Variants in DENND1A observed in about 807,000 individuals in gnomAD.
DENND1A encodes DENN domain containing 1A, also known as DENN domain-containing protein 1A.
In DENND1A, 51 loss-of-function variants were observed where a neutral mutation model predicts 113.7. The ratio of observed to expected loss-of-function variants is 0.45; its 90% CI spans 0.36 to 0.57. The LOEUF (loss-of-function observed/expected upper bound fraction) is 0.57. Among genes scored for constraint, DENND1A ranks in the 20% least tolerant of loss-of-function variants. DENND1A has a pLI of 0.00. For synonymous variants in DENND1A, 565 were observed against 570.8 expected (o/e 0.99, Z 0.14); for missense variants, 1,258 against 1,395.9 (o/e 0.90, Z 1.57).
chr9:123,811,804 CATCCATCAATA>C (rs1836665792), intron 2 of DENND1A, among the ~76,000 whole-genome samples: 1 of 152,142 alleles, frequency 6.6e-6, no homozygotes, highest in Non-Finnish European at 1.5e-5. Flanking sequence ...CTTTGCCAAA[CATCCATCAATA>C]TATTTTTAAA....
intron 2 of DENND1A, among the ~76,000 whole-genome samples, chr9:123,828,367 G>A (rs1317387094): frequency 6.6e-6 from 1 of 152,026 alleles, no homozygotes; most frequent in Non-Finnish European, 1.5e-5. Context: ...CACTGAAAAA[G>A]AGAAGGGAGA....
chr9:123,409,948 C>T (rs191324820), intron 20 of DENND1A, among the ~76,000 whole-genome samples: 17 of 152,184 alleles, frequency 1.1e-4, no homozygotes, highest in Admixed American at 1.0e-3. Context: ...AAAAATTAGC[C>T]GTGCATGGTG....
intron 19 of DENND1A, among the ~76,000 whole-genome samples, chr9:123,439,374 C>T (rs898793498): frequency 3.3e-5 from 5 of 152,186 alleles, no homozygotes; most frequent in African/African-American, 1.2e-4. Context: ...CAACTCACCC[C>T]TTACAGTAGT....
intron 13 of DENND1A, among the ~76,000 whole-genome samples, chr9:123,495,141 TTCTCTCTCTCTCTC>T (rs56390148): frequency 4.3e-5 from 6 of 140,560 alleles, no homozygotes; most frequent in Non-Finnish European, 9.1e-5. Context: ...CATTGTCTCT[TTCTCTCTCTCTCTC>T]TCTCTCTCTC....
chr9:123,536,765 G>C (rs2055814862), intron 13 of DENND1A, among the ~76,000 whole-genome samples: 1 of 152,148 alleles, frequency 6.6e-6, no homozygotes, highest in Non-Finnish European at 1.5e-5. Flanking sequence ...ACGAGAGAGA[G>C]AGAGGACAGG....
chr9:123,517,482 A>C (rs1007928506), intron 13 of DENND1A, among the ~76,000 whole-genome samples: 2 of 151,644 alleles, frequency 1.3e-5, no homozygotes, highest in African/African-American at 4.8e-5. Context: ...TTAGCTGAGC[A>C]TGGTGGTGCG....
At chr9:123,666,443 T>C (rs138124368) in intron 8 of DENND1A, among the ~76,000 whole-genome samples, 2 of 152,320 alleles carry the variant, frequency 1.3e-5, no homozygotes, top group East Asian at 3.9e-4. Flanking sequence ...GCCCTCATGC[T>C]TCACCCACAA....
chr9:123,697,024 T>C lies in DENND1A; in HGVS notation c.303-20235A>G, dbSNP rs150147100. Among the ~76,000 whole-genome samples the C allele has an allele frequency of 9.7e-3, 1,481 of 152,288 alleles. 29 individuals carry two copies. Among genetic ancestry groups the C allele is most frequent in the Non-Finnish European group, 0.01 (690 of 68,020 alleles). On this transcript the variant is annotated intron_variant, in intron 5 of 23. Coordinates refer to ENST00000394215, the MANE Select transcript of DENND1A (RefSeq NM_001352964.2). Reference sequence around the variant, plus strand: ...GTGCCGGTTAAATTTAACCGGCAATTTGGAGCTATACAAACCATAAAAGGG... The same window carrying C: ...GTGCCGGTTAAATTTAACCGGCAATCTGGAGCTATACAAACCATAAAAGGG...
chr9:123,383,011 G>A (rs1241209898), intron 23 of DENND1A, among the ~76,000 whole-genome samples: 1 of 152,242 alleles, frequency 6.6e-6, no homozygotes, highest in Non-Finnish European at 1.5e-5. Context: ...TGGCTGGGGA[G>A]GAAGGAGGAG....
chr9:123,452,024 C>G (rs912230421), intron 17 of DENND1A, among the ~76,000 whole-genome samples: 1 of 71,964 alleles, frequency 1.4e-5, no homozygotes, highest in Non-Finnish European at 3.0e-5. Flanking sequence ...ATACTGAGAC[C>G]TGTCTCTCCA....
Position 123,870,796 on chromosome 9 carries a change from T to G in DENND1A, c.88+8155A>C, listed in dbSNP as rs148030689. 6.7e-3 allele frequency among the ~76,000 whole-genome samples: 1,017 copies of G among 152,214 alleles called. 7 individuals carry two copies. The highest frequency in any genetic ancestry group is 0.023 in the African/African-American group (962 of 41,526). On this transcript the variant is annotated intron_variant, in intron 2 of 23. Coordinates refer to ENST00000394215, the MANE Select transcript of DENND1A (RefSeq NM_001352964.2). ...GTTGTCCAACCTGGGCAAGTAAACC[T>G]CTTTGAGTCTCAGTTTCCTCAAACA...
chr9:123,633,002 G>A (rs924540459), intron 9 of DENND1A, among the ~76,000 whole-genome samples: 1 of 152,128 alleles, frequency 6.6e-6, no homozygotes, highest in Non-Finnish European at 1.5e-5. Flanking sequence ...CTGCCTCCCA[G>A]GTTCAAGCAA....
intron 12 of DENND1A, among the ~76,000 whole-genome samples, chr9:123,559,779 T>C (rs985416155): frequency 1.3e-5 from 2 of 152,222 alleles, no homozygotes; most frequent in Non-Finnish European, 2.9e-5. Context: ...CTCCAGAACA[T>C]TTTTATTACC....
intron 18 of DENND1A, among the ~76,000 whole-genome samples, chr9:123,447,359 T>C (rs1415455157): frequency 6.6e-6 from 1 of 152,186 alleles, no homozygotes. Flanking sequence ...ATCGGATCTA[T>C]TAACAATTAT....
intron 9 of DENND1A, among the ~76,000 whole-genome samples, chr9:123,638,961 G>A (rs2061862597): frequency 1.5e-5 from 2 of 137,650 alleles, no homozygotes; most frequent in Non-Finnish European, 3.1e-5. Context: ...GGAATCGTGA[G>A]TACCTATCTG....
chr9:123,441,701 G>T (rs1021815506), intron 18 of DENND1A, among the ~76,000 whole-genome samples: 1 of 152,170 alleles, frequency 6.6e-6, no homozygotes, highest in African/African-American at 2.4e-5. Flanking sequence ...ACAAGGCAGA[G>T]AATACATGTA....
intron 5 of DENND1A, among the ~76,000 whole-genome samples, chr9:123,691,026 T>C (rs1405177418): frequency 1.3e-5 from 2 of 152,190 alleles, no homozygotes; most frequent in African/African-American, 4.8e-5. Flanking sequence ...TCAGCCTCAA[T>C]AAACCCTGGC....
At position 123,889,071 on chromosome 9, in the gene DENND1A, T is replaced by A. The variant is rs569482650; in HGVS notation, c.18-10050A>T. Among the ~76,000 whole-genome samples the A allele has an allele frequency of 1.4e-3, 220 of 151,850 alleles. 2 individuals are homozygous for A. Among genetic ancestry groups the A allele is most frequent in the African/African-American group, 5.0e-3 (208 of 41,326 alleles). On this transcript the variant is annotated intron_variant, in intron 1 of 23. Transcript: ENST00000394215. ...AAGATTCTAGTTCCTGGAAAAATAT[T>A]TTTTTAAAATCATTCATTAAATACC... is the stretch of plus-strand genomic sequence containing the variant.
intron 11 of DENND1A, among the ~76,000 whole-genome samples, chr9:123,584,359 CT>C (rs1328939798): frequency 6.6e-6 from 1 of 152,208 alleles, no homozygotes; most frequent in Non-Finnish European, 1.5e-5. Context: ...CTGCATGTGG[CT>C]GCGCAGGTAT....
Sources: allele counts gnomAD v4.1 joint callset (sites outside exome capture counted in the v4.1 genomes callset), GRCh38; gene constraint gnomAD v4.1.1; transcripts MANE v1.5; gene names NCBI Gene and HGNC (gene_info 2026-07-23, HGNC 2026-07-21).